Variants in CNBD1 observed in about 807,000 individuals in gnomAD.
CNBD1 encodes cyclic nucleotide binding domain containing 1.
Under a neutral mutation model 54.4 loss-of-function variants are expected in CNBD1, and 71 were observed. The observed-to-expected ratio is 1.30, with a 90% CI of 1.08 to 1.59. The LOEUF is 1.59. Ranked by LOEUF, CNBD1 falls within the 40% of genes most tolerant of loss-of-function variation. The pLI, the probability that CNBD1 is intolerant of heterozygous loss-of-function variation, is 0.00. For missense variants in CNBD1, 659 were observed against 518.0 expected, an observed-to-expected ratio of 1.27 and a Z score of -2.64; for synonymous variants, 182 against 170.7, an observed-to-expected ratio of 1.07 and a Z score of -0.51.
intron 4 of CNBD1, among the ~76,000 whole-genome samples, chr8:87,127,394 T>G (rs1812014326): frequency 1.3e-5 from 2 of 152,202 alleles, no homozygotes; most frequent in African/African-American, 2.4e-5. Context: ...GATTTATCCC[T>G]AAGTATTTTA....
chr8:87,046,577 C>T (rs1443585362), intron 4 of CNBD1, among the ~76,000 whole-genome samples: 1 of 152,126 alleles, frequency 6.6e-6, no homozygotes, highest in African/African-American at 2.4e-5. Flanking sequence ...AAATAAAGCC[C>T]TGTCCCTTGA....
intron 8 of CNBD1, among the ~76,000 whole-genome samples, chr8:87,350,276 T>C (rs190771722): frequency 6.6e-6 from 1 of 151,910 alleles, no homozygotes; most frequent in Non-Finnish European, 1.5e-5. Context: ...AACAGAAGAG[T>C]TACCATAAAT....
rs987560678 is a variant in CNBD1 at position 87,323,163 on chromosome 8, T to C, written c.1043-28522T>C. Among the ~76,000 whole-genome samples, 33 of 124,888 alleles carry C rather than the reference T, an allele frequency of 2.6e-4. 1 individual carries two copies. Among genetic ancestry groups the C allele is most frequent in the African/African-American group, 1.0e-3 (33 of 32,936 alleles). 81.9% of individuals were successfully genotyped at this position (124,888 alleles called of 152,430 possible). On this transcript the variant is annotated intron_variant, in intron 8 of 10. Transcript: ENST00000518476. ...GGCTCTGTTCTATTCCATTGATCTA[T>C]ATCTCTGTTTTGGTACCAGTACCAT...
At chr8:87,269,165 T>C (rs1164853440) in intron 6 of CNBD1, among the ~76,000 whole-genome samples, 2 of 152,108 alleles carry the variant, frequency 1.3e-5, no homozygotes, top group Non-Finnish European at 2.9e-5. Flanking sequence ...CCCAGCACCA[T>C]TTACTGAATA....
intron 5 of CNBD1, among the ~76,000 whole-genome samples, chr8:87,229,358 G>C (rs1013569805): frequency 6.6e-6 from 1 of 152,048 alleles, no homozygotes; most frequent in Non-Finnish European, 1.5e-5. Flanking sequence ...AGGAATCCAT[G>C]CTATTTGTTT....
intron 8 of CNBD1, among the ~76,000 whole-genome samples, chr8:87,326,795 C>T (rs1403104501): frequency 8.9e-6 from 1 of 112,798 alleles, no homozygotes; most frequent in African/African-American, 3.3e-5. Flanking sequence ...AAGCCTTCTT[C>T]TCTCAGCTCG....
chr8:86,922,831 C>T (rs942108150), intron 3 of CNBD1, among the ~76,000 whole-genome samples: 3 of 151,780 alleles, frequency 2.0e-5, no homozygotes, highest in African/African-American at 4.8e-5. Flanking sequence ...TTTAGAGTCA[C>T]GGAGCAACCA....
intron 10 of CNBD1, among the ~76,000 whole-genome samples, chr8:87,370,942 A>C (rs34009541): frequency 0.36 from 53,898 of 150,158 alleles, 10,066 homozygotes; most frequent in Middle Eastern, 0.44. Context: ...AGCTTTCTAC[A>C]TATGGCTAGC....
chr8:87,424,268 T>C (rs2130995640), intron 2 of CNBD1, among the ~76,000 whole-genome samples: 1 of 152,196 alleles, frequency 6.6e-6, no homozygotes, highest in East Asian at 1.9e-4. Flanking sequence ...TTTGTGTCTC[T>C]ATTTCCTTCA....
chr8:87,147,537 T>A (rs545304116), intron 4 of CNBD1, among the ~76,000 whole-genome samples: 1 of 152,274 alleles, frequency 6.6e-6, no homozygotes, highest in Admixed American at 6.5e-5. Flanking sequence ...TGACTACATT[T>A]GTAAATGTCT....
intron 6 of CNBD1, among the ~76,000 whole-genome samples, chr8:87,281,767 G>T (rs1287510368): frequency 1.3e-5 from 2 of 150,224 alleles, no homozygotes; most frequent in Non-Finnish European, 1.5e-5. Flanking sequence ...ATTTTTAAAG[G>T]TTTTTACAGT....
chr8:87,200,430 G>C (rs1813834109), intron 4 of CNBD1, among the ~76,000 whole-genome samples: 1 of 151,858 alleles, frequency 6.6e-6, no homozygotes, highest in South Asian at 2.1e-4. Flanking sequence ...AGTGCTAAAA[G>C]AAATAAATGA....
intron 4 of CNBD1, among the ~76,000 whole-genome samples, chr8:87,152,222 G>T (rs2130749851): frequency 6.6e-6 from 1 of 152,138 alleles, no homozygotes; most frequent in Non-Finnish European, 1.5e-5. Context: ...TTGATGGAGG[G>T]AGACATGAGT....
At chr8:87,069,534 G>A (rs1212977833) in intron 4 of CNBD1, among the ~76,000 whole-genome samples, 1 of 152,056 alleles carries the variant, frequency 6.6e-6, no homozygotes, top group Non-Finnish European at 1.5e-5. Context: ...TAGCCTAGGT[G>A]TATAGTAGGA....
intron 2 of CNBD1, among the ~76,000 whole-genome samples, chr8:87,399,617 A>C (rs1288868229): frequency 2.0e-5 from 3 of 151,972 alleles, no homozygotes; most frequent in Non-Finnish European, 4.4e-5. Flanking sequence ...AGTGTTATTC[A>C]AAATATTTAA....
intron 4 of CNBD1, among the ~76,000 whole-genome samples, chr8:87,094,427 A>AT (rs1188572938): frequency 4.3e-5 from 6 of 140,648 alleles, no homozygotes; most frequent in Admixed American, 1.4e-4. Flanking sequence ...ACTTTCCTTG[A>AT]TTTTTTTTCT....
intron 3 of CNBD1, among the ~76,000 whole-genome samples, chr8:86,925,730 CAAAAA>C (rs71275895): frequency 8.4e-4 from 119 of 141,640 alleles, no homozygotes; most frequent in Middle Eastern, 3.7e-3. Flanking sequence ...AAAAAAATAC[CAAAAA>C]AAAAAAAAAA....
chr8:87,205,159 T>C (rs1363654179), intron 4 of CNBD1, among the ~76,000 whole-genome samples: 1 of 152,164 alleles, frequency 6.6e-6, no homozygotes, highest in Non-Finnish European at 1.5e-5. Context: ...TAAATTGGTT[T>C]TTCACATGAA....
intron 2 of CNBD1, among the ~76,000 whole-genome samples, chr8:87,408,546 C>CT (rs752287638): frequency 1.6e-4 from 24 of 151,936 alleles, no homozygotes; most frequent in Non-Finnish European, 2.5e-4. Context: ...CTGCTTTTTT[C>CT]TTTTCGTCTC....
Sources: allele counts gnomAD v4.1 joint callset (sites outside exome capture counted in the v4.1 genomes callset), GRCh38; gene constraint gnomAD v4.1.1; transcripts MANE v1.5; gene names NCBI Gene and HGNC (gene_info 2026-07-23, HGNC 2026-07-21).